Variants in RIMS1 observed in about 807,000 individuals in gnomAD.
RIMS1 encodes regulating synaptic membrane exocytosis 1, also known as regulating synaptic membrane exocytosis protein 1.
Under a neutral mutation model 214.1 loss-of-function variants are expected in RIMS1, and 83 were observed. The ratio of observed to expected loss-of-function variants is 0.39; its 90% CI spans 0.32 to 0.47. The LOEUF is 0.47. Ranked by LOEUF, RIMS1 falls within the 20% of genes least tolerant of loss-of-function variation. RIMS1 has a pLI of 0.99. For synonymous variants in RIMS1, 793 were observed against 786.8 expected (o/e 1.01, Z -0.13); for missense variants, 2,050 against 2,161.8 (o/e 0.95, Z 1.03).
intron 1 of RIMS1, among the ~76,000 whole-genome samples, chr6:71,888,636 CAG>C (rs140967921): frequency 0.06 from 9,203 of 152,298 alleles, 406 homozygotes; most frequent in Non-Finnish European, 0.089. Flanking sequence ...AACTGACACT[CAG>C]ATAGGGGAGG....
At chr6:72,213,010 G>C in intron 6 of RIMS1, 1 of 1,491,734 alleles carries the variant, frequency 6.7e-7, no homozygotes, top group African/African-American at 1.4e-5. Flanking sequence ...TATAAGCAGA[G>C]TGATGAAGGA....
chr6:72,011,664 G>T (rs1388406709), intron 2 of RIMS1, among the ~76,000 whole-genome samples: 1 of 152,132 alleles, frequency 6.6e-6, no homozygotes, highest in Non-Finnish European at 1.5e-5. Context: ...GAAAAAGTGG[G>T]CAAAGGACAT....
At chr6:72,362,096 C>T (rs939450240) in intron 29 of RIMS1, among the ~76,000 whole-genome samples, 1 of 151,970 alleles carries the variant, frequency 6.6e-6, no homozygotes, top group Non-Finnish European at 1.5e-5. Context: ...ACACTGATAT[C>T]CATGGATATA....
At chr6:72,228,462 A>G (rs1042518120) in intron 6 of RIMS1, among the ~76,000 whole-genome samples, 4 of 151,840 alleles carry the variant, frequency 2.6e-5, no homozygotes, top group African/African-American at 9.7e-5. Flanking sequence ...ACTTAGCACA[A>G]TGTTCTGAAG....
At chr6:71,992,936 C>T (rs1376124605) in intron 2 of RIMS1, among the ~76,000 whole-genome samples, 1 of 152,224 alleles carries the variant, frequency 6.6e-6, no homozygotes, top group Non-Finnish European at 1.5e-5. Context: ...GCAGGGATTA[C>T]AGGTGTGAGC....
At chr6:72,270,439 T>G (rs1259331822) in intron 22 of RIMS1, among the ~76,000 whole-genome samples, 1 of 152,216 alleles carries the variant, frequency 6.6e-6, no homozygotes, top group Non-Finnish European at 1.5e-5. Context: ...AGTGACAACA[T>G]GATGTATTTT....
At position 72,152,719 on chromosome 6, in the gene RIMS1, A is replaced by AATAT. The variant is rs10679501; in HGVS notation, c.472-26847_472-26844dup. ...TTTGGAATATATGTATATATATGTG[A>AATAT]ATATATATATATGGAATATATGTAT... is the stretch of plus-strand genomic sequence containing the variant. On this transcript the variant is annotated intron_variant, in intron 4 of 33. Transcript: ENST00000521978. Among the ~76,000 whole-genome samples, 18 of 116,136 alleles carry AATAT rather than the reference A, an allele frequency of 1.5e-4. 1 individual carries two copies. The highest frequency in any genetic ancestry group is 5.2e-3 in the Middle Eastern group (1 of 192). The allele number at this position is 116,136 out of a possible 152,430, so 76.2% of individuals were successfully genotyped here.
At chr6:72,354,340 T>C (rs2097559888) in intron 29 of RIMS1, among the ~76,000 whole-genome samples, 1 of 152,238 alleles carries the variant, frequency 6.6e-6, no homozygotes, top group Non-Finnish European at 1.5e-5. Context: ...GCTCTTAAGC[T>C]AGAACTCTAT....
chr6:72,026,779 A>G (rs9446549), intron 2 of RIMS1, among the ~76,000 whole-genome samples: 20,305 of 152,126 alleles, frequency 0.13, 1,415 homozygotes, highest in South Asian at 0.18. Context: ...CACTTTTTGT[A>G]TACTGCCTTG....
At chr6:72,310,878 A>T (rs1265026378) in intron 27 of RIMS1, among the ~76,000 whole-genome samples, 1 of 152,128 alleles carries the variant, frequency 6.6e-6, no homozygotes, top group Non-Finnish European at 1.5e-5. Flanking sequence ...AGAATGATAG[A>T]TTATTCTTTA....
At chr6:72,178,918 T>C (rs1258704436) in intron 4 of RIMS1, among the ~76,000 whole-genome samples, 1 of 152,226 alleles carries the variant, frequency 6.6e-6, no homozygotes, top group Admixed American at 6.5e-5. Context: ...TGGTCACATA[T>C]GAATAAACTC....
intron 20 of RIMS1, 69 bp downstream of exon 20, chr6:72,265,121 G>A: frequency 1.2e-6 from 1 of 835,110 alleles, no homozygotes. Flanking sequence ...ACTAAAAATA[G>A]AAAATTCACA....
At chr6:71,899,382 A>G (rs1290238036) in intron 1 of RIMS1, among the ~76,000 whole-genome samples, 1 of 151,864 alleles carries the variant, frequency 6.6e-6, no homozygotes, top group Non-Finnish European at 1.5e-5. Flanking sequence ...TGGAGGTTTG[A>G]CTTCAATTAC....
At chr6:71,982,220 C>A (rs1440611300) in intron 2 of RIMS1, among the ~76,000 whole-genome samples, 1 of 152,088 alleles carries the variant, frequency 6.6e-6, no homozygotes, top group Non-Finnish European at 1.5e-5. Context: ...AATACTTGGA[C>A]TGGTTCTTTG....
At chr6:72,335,389 T>A (rs1206650371) in intron 29 of RIMS1, among the ~76,000 whole-genome samples, 3 of 152,050 alleles carry the variant, frequency 2.0e-5, no homozygotes, top group Non-Finnish European at 4.4e-5. Flanking sequence ...TTCATCCATG[T>A]CCCTGCAAAG....
chr6:71,954,860 A>AC (rs1561961447), intron 1 of RIMS1, among the ~76,000 whole-genome samples: 1 of 140,630 alleles, frequency 7.1e-6, no homozygotes, highest in Non-Finnish European at 1.5e-5. Context: ...ACACACACAC[A>AC]CACACACACT....
chr6:72,393,513 A>G (rs1314484876), intron 31 of RIMS1, among the ~76,000 whole-genome samples: 1 of 152,108 alleles, frequency 6.6e-6, no homozygotes, highest in African/African-American at 2.4e-5. Flanking sequence ...TCACGAGGTC[A>G]GGAGACCGAG....
chr6:72,232,395 T>C (rs1277132406), intron 6 of RIMS1, among the ~76,000 whole-genome samples: 2 of 151,674 alleles, frequency 1.3e-5, no homozygotes, highest in East Asian at 3.9e-4. Flanking sequence ...CGTGAACTTT[T>C]ACAAATAGTA....
chr6:72,328,638 A>G (rs1180580283), intron 28 of RIMS1, among the ~76,000 whole-genome samples: 1 of 151,782 alleles, frequency 6.6e-6, no homozygotes, highest in African/African-American at 2.4e-5. Flanking sequence ...TTTGTCACCA[A>G]TTAAAAATAT....
Sources: gnomAD v4.1 joint callset for allele counts (sites outside exome capture counted in the v4.1 genomes callset) on GRCh38, gnomAD v4.1.1 for gene constraint, MANE v1.5 for transcripts, NCBI Gene and HGNC (gene_info 2026-07-23, HGNC 2026-07-21) for gene names.